The following BCR variants were observed in gnomAD, a reference collection of about 807,000 sequenced individuals.
BCR encodes breakpoint cluster region protein.
Under a neutral mutation model 138.6 loss-of-function variants are expected in BCR, and 58 were observed. The ratio of observed to expected loss-of-function variants is 0.42; its 90% confidence interval spans 0.34 to 0.52. BCR has a LOEUF of 0.52. Among genes scored for constraint, BCR ranks in the 20% least tolerant of loss-of-function variants. The pLI is 0.06. For missense variants in BCR, 1,599 were observed against 1,727.2 expected, an observed-to-expected ratio of 0.93 and a Z score of 1.32; for synonymous variants, 786 against 730.1, an observed-to-expected ratio of 1.08 and a Z score of -1.23.
intron 1 of BCR, among the ~76,000 whole-genome samples, chr22:23,197,392 A>G (rs1296725533): frequency 6.6e-6 from 1 of 152,252 alleles, no homozygotes; most frequent in Non-Finnish European, 1.5e-5. Flanking sequence ...GCTTTATCTA[A>G]TAAAATATAA....
At chr22:23,282,070 C>T (rs1358478737) in intron 8 of BCR, among the ~76,000 whole-genome samples, 1 of 152,246 alleles carries the variant, frequency 6.6e-6, no homozygotes, top group Non-Finnish European at 1.5e-5. Flanking sequence ...GCCACTGCCC[C>T]AGAAGGAAGG....
chr22:23,271,496 T>C, intron 5 of BCR, 36 bp from the exon 6 acceptor site: 1 of 1,608,636 alleles, frequency 6.2e-7, no homozygotes, highest in Non-Finnish European at 8.5e-7. Flanking sequence ...AAGCTGCTTC[T>C]GTCATCTGTG....
chr22:23,277,780 G>A (rs184056624), intron 8 of BCR, among the ~76,000 whole-genome samples: 119 of 152,276 alleles, frequency 7.8e-4, no homozygotes, highest in African/African-American at 2.7e-3. Flanking sequence ...TAATCTCATT[G>A]CCCTTTTCAG....
At chr22:23,191,901 C>A (rs1269853202) in intron 1 of BCR, among the ~76,000 whole-genome samples, 3 of 152,194 alleles carry the variant, frequency 2.0e-5, no homozygotes, top group Non-Finnish European at 4.4e-5. Context: ...CTGTTTCCTT[C>A]TTTGCTGGTG....
intron 4 of BCR, among the ~76,000 whole-genome samples, chr22:23,262,363 C>G (rs1337485479): frequency 2.0e-5 from 3 of 152,164 alleles, no homozygotes; most frequent in Non-Finnish European, 4.4e-5. Context: ...GTGTGGCTTT[C>G]CTGTAGGGGG....
chr22:23,184,827 C>T (rs1187271110), intron 1 of BCR, among the ~76,000 whole-genome samples: 1 of 152,102 alleles, frequency 6.6e-6, no homozygotes, highest in Non-Finnish European at 1.5e-5. Context: ...CTCACTGGCT[C>T]AGCCATCTGT....
chr22:23,309,962 G>A, intron 17 of BCR: 1 of 360,772 alleles, frequency 2.8e-6, no homozygotes, highest in Non-Finnish European at 5.2e-6. Context: ...GCCAGGCACA[G>A]TGCACCTATA....
Position 23,180,967 on chromosome 22 carries a change from GA to G in BCR, c.8del (p.Asp3AlafsTer47). The G allele has an allele frequency of 7.3e-7, 1 of 1,378,582 alleles. No homozygotes were observed. The allele number at this position is 1,378,582 out of a possible 1,614,324, so 85.4% of individuals were successfully genotyped here. MV[D>X]PVGFAEAWKA... ...AGGTAAGGCCGGCCGCGCCATGGTG[GA>G]CCCGGTGGGCTTCGCGGAGGCGTGG... On this transcript the variant is annotated frameshift_variant, in exon 1 of 23. Transcript: ENST00000305877. LOFTEE classifies it high-confidence loss of function.
intron 1 of BCR, among the ~76,000 whole-genome samples, chr22:23,221,258 A>G (rs2072821330): frequency 6.6e-6 from 1 of 152,264 alleles, no homozygotes; most frequent in African/African-American, 2.4e-5. Context: ...TCCGAGGCAC[A>G]TGTTTGAGGT....
rs761394061 is a variant in BCR, at chr22:23,315,439, G to T, written c.3733G>T (p.Val1245Leu). 6.2e-7 allele frequency: 1 copy of T among 1,613,656 alleles called. No homozygotes were observed. The highest frequency in any genetic ancestry group is 1.1e-5 in the South Asian group (1 of 91,070). The change falls in exon 23 of 23, where the codon GTG becomes TTG. Residue 1245 changes from valine to leucine, a missense_variant. Val to Leu is a conservative substitution (Grantham distance 32, BLOSUM62 1). Coordinates refer to ENST00000305877, the MANE Select transcript of BCR (RefSeq NM_004327.4). ...WSLEVMSQVQ[V>L]LLYFLQLEAI... ...CCCTACTCTGCCCGGGCAGGTCCAG[G>T]TGCTGCTGTACTTCCTGCAGCTGGA...
In BCR at chr22:23,180,735, C is replaced by G; in HGVS notation, c.-226C>G. Reference sequence around the variant, plus strand: ...GGAGGAGCCCCGCACACAATAGCGGCGCGCGCAGCCCGCGCCCTTCCCCCC... The same window carrying G: ...GGAGGAGCCCCGCACACAATAGCGGGGCGCGCAGCCCGCGCCCTTCCCCCC... On this transcript the variant is annotated 5_prime_UTR_variant, in exon 1 of 23. Coordinates refer to ENST00000305877, the MANE Select transcript of BCR (RefSeq NM_004327.4). 6.7e-6 allele frequency: 1 copy of G among 149,386 alleles called. No individual in the cohort carries two copies. Among genetic ancestry groups the G allele is most frequent in the East Asian group, 2.0e-4 (1 of 5,066 alleles). 9.3% of individuals were successfully genotyped at this position (149,386 alleles called of 1,614,324 possible). A position where few individuals can be genotyped will look rare whatever the true frequency, so the allele number is the denominator to read the frequency against.
Position 23,181,326 on chromosome 22 carries a change from TC to T in BCR, c.368del (p.Pro123ArgfsTer56). 1 of 1,400,742 alleles carries T rather than the reference TC, an allele frequency of 7.1e-7. No individual in the cohort carries two copies. The highest frequency in any genetic ancestry group is 9.3e-7 in the Non-Finnish European group (1 of 1,079,414). 86.8% of individuals were successfully genotyped at this position (1,400,742 alleles called of 1,614,324 possible). A position where few individuals can be genotyped will look rare whatever the true frequency, so the allele number is the denominator to read the frequency against. ...PEARPDGEGS[P>X]GKARPGTARR... is the part of the protein sequence containing the mutation. The stretch of plus-strand genomic sequence containing the variant: ...AGGCCCGGCCCGACGGCGAGGGTTC[TC>T]CGGGTAAGGCCAGGCCCGGGACCGC... On this transcript the variant is annotated frameshift_variant, in exon 1 of 23. Coordinates refer to ENST00000305877, the MANE Select transcript of BCR (RefSeq NM_004327.4). LOFTEE classifies it high-confidence loss of function.
intron 1 of BCR, among the ~76,000 whole-genome samples, chr22:23,183,710 A>T (rs1172581409): frequency 6.6e-6 from 1 of 152,226 alleles, no homozygotes; most frequent in Admixed American, 6.5e-5. Context: ...GCCATGGTGC[A>T]GGAGAGTTAT....
At chr22:23,287,318 C>G in intron 11 of BCR, 40 bp downstream of exon 11, 1 of 1,491,356 alleles carries the variant, frequency 6.7e-7, no homozygotes, top group Non-Finnish European at 8.9e-7. Context: ...CTCTCCTGGC[C>G]TGGGATGGGC....
chr22:23,187,521 A>G (rs1169126400), intron 1 of BCR, among the ~76,000 whole-genome samples: 2 of 142,664 alleles, frequency 1.4e-5, no homozygotes, highest in African/African-American at 2.6e-5. Flanking sequence ...TTTAATAGAG[A>G]TTGGATCTCC....
chr22:23,237,626 T>C (rs1391873824), intron 1 of BCR, among the ~76,000 whole-genome samples: 1 of 152,240 alleles, frequency 6.6e-6, no homozygotes, highest in African/African-American at 2.4e-5. Flanking sequence ...AGCTCTGCTC[T>C]GGCCTGATTT....
rs373942153 is a variant in BCR at position 23,282,243 on chromosome 22, G to C, written c.2116-1734G>C. 2.6e-5 allele frequency among the ~76,000 whole-genome samples: 4 copies of C among 152,340 alleles called. No homozygotes were observed. The East Asian group carries it at 5.8e-4, about 22-fold the overall frequency. ...TGGGTTACCCGGCTTCAGCGCTCCAGCTCTACATGATGTTTCTCCAGGTGC... is the reference window on the plus strand; with the variant it reads ...TGGGTTACCCGGCTTCAGCGCTCCACCTCTACATGATGTTTCTCCAGGTGC... On this transcript the variant is annotated intron_variant, in intron 8 of 22. Coordinates refer to ENST00000305877, the MANE Select transcript of BCR (RefSeq NM_004327.4).
intron 9 of BCR, among the ~76,000 whole-genome samples, chr22:23,284,417 C>T (rs909248656): frequency 1.3e-5 from 2 of 152,034 alleles, no homozygotes; most frequent in East Asian, 1.9e-4. Context: ...GTGGTGGCTG[C>T]TCCTTGTCTC....
intron 21 of BCR, 73 bp downstream of exon 21, chr22:23,314,146 G>T: frequency 8.2e-7 from 1 of 1,223,990 alleles, no homozygotes; most frequent in South Asian, 1.2e-5. Flanking sequence ...GCTCCCACTA[G>T]ACCCCCAACA....
Sources: gnomAD v4.1 joint callset for allele counts (sites outside exome capture counted in the v4.1 genomes callset) on GRCh38, gnomAD v4.1.1 for gene constraint, MANE v1.5 for transcripts, NCBI Gene and HGNC (gene_info 2026-07-23, HGNC 2026-07-21) for gene names.